DCUN1D3: variants seen among roughly 807,000 people sequenced by gnomAD.
DCUN1D3 encodes DCN1-like protein 3.
Under a neutral mutation model 24.8 loss-of-function variants are expected in DCUN1D3, and 6 were observed. The ratio of observed to expected loss-of-function variants is 0.24; its 90% CI spans 0.13 to 0.48. DCUN1D3 has a LOEUF of 0.48. DCUN1D3 is among the 20% of genes least tolerant of loss of function. DCUN1D3 has a pLI of 0.99. For synonymous variants in DCUN1D3, 120 were observed against 144.9 expected, an observed-to-expected ratio of 0.83 and a Z score of 1.24; for missense variants, 258 against 379.4, an observed-to-expected ratio of 0.68 and a Z score of 2.66.
In DCUN1D3 at chr16:20,859,062, G is replaced by T. The variant is rs2152515649; in HGVS notation, c.*824C>A. ...AGAAGTCTACTTCCAGCAAAACTGA[G>T]GTAGCACTGCTTTCTCCGCATTCAA... On this transcript the variant is annotated 3_prime_UTR_variant, in exon 3 of 3. Transcript: ENST00000324344. 1 of 152,466 alleles carries T rather than the reference G, an allele frequency of 6.6e-6. No homozygotes were observed. Among genetic ancestry groups the T allele is most frequent in the South Asian group, 2.1e-4 (1 of 4,816 alleles). 9.4% of individuals were successfully genotyped at this position (152,466 alleles called of 1,614,324 possible). A position where few individuals can be genotyped will look rare whatever the true frequency, so the allele number is the denominator to read the frequency against.
intron 2 of DCUN1D3, 41 bp downstream of exon 2, chr16:20,862,067 C>A: frequency 6.3e-7 from 1 of 1,599,332 alleles, no homozygotes; most frequent in Non-Finnish European, 8.5e-7. Flanking sequence ...GTTCCCTTTC[C>A]TCCACTGCTC....
Position 20,858,151 on chromosome 16 carries a change from C to G in DCUN1D3, c.*1735G>C, listed in dbSNP as rs1386893132. 2 of 152,566 alleles carry G rather than the reference C, an allele frequency of 1.3e-5. No homozygotes were observed. Among genetic ancestry groups the G allele is most frequent in the African/African-American group, 2.4e-5 (1 of 41,410 alleles). 9.5% of individuals were successfully genotyped at this position (152,566 alleles called of 1,614,324 possible). A position where few individuals can be genotyped will look rare whatever the true frequency, so the allele number is the denominator to read the frequency against. ...GTTGGAAGCTGAACTATACAAGTTC[C>G]TGCCACCCATCCTTCCAGTACAGTT... On this transcript the variant is annotated 3_prime_UTR_variant, in exon 3 of 3. Coordinates refer to ENST00000324344, the MANE Select transcript of DCUN1D3 (RefSeq NM_173475.4).
chr16:20,892,416 C>T (rs1596641173), intron 1 of DCUN1D3, among the ~76,000 whole-genome samples: 2 of 152,102 alleles, frequency 1.3e-5, no homozygotes, highest in South Asian at 2.1e-4. Context: ...GCTAGAGTCC[C>T]GGCACCTTCA....
chr16:20,869,873 T>C (rs879071722), intron 1 of DCUN1D3, among the ~76,000 whole-genome samples: 1 of 152,222 alleles, frequency 6.6e-6, no homozygotes, highest in Admixed American at 6.5e-5. Context: ...AACTCGCCAC[T>C]TTCCATCACT....
intron 1 of DCUN1D3, among the ~76,000 whole-genome samples, chr16:20,867,518 G>A (rs1353057181): frequency 1.3e-5 from 2 of 152,190 alleles, no homozygotes; most frequent in East Asian, 1.9e-4. Context: ...TGAAAAGGAC[G>A]CCCAACTGCG....
At chr16:20,872,232 G>C (rs1022211717) in intron 1 of DCUN1D3, among the ~76,000 whole-genome samples, 1 of 152,174 alleles carries the variant, frequency 6.6e-6, no homozygotes, top group East Asian at 1.9e-4. Flanking sequence ...GAAAATTAGT[G>C]AACTGGAGAT....
At chr16:20,867,424 C>T (rs2081767889) in intron 1 of DCUN1D3, among the ~76,000 whole-genome samples, 1 of 152,192 alleles carries the variant, frequency 6.6e-6, no homozygotes, top group South Asian at 2.1e-4. Flanking sequence ...GGCTCAGCCC[C>T]ACCAGACGTG....
At position 20,862,623 on chromosome 16, in the gene DCUN1D3, C is replaced by A; in HGVS notation, c.-85G>T. The A allele has an allele frequency of 6.6e-7, 1 of 1,521,130 alleles. No homozygotes were observed. Among genetic ancestry groups the A allele is most frequent in the Non-Finnish European group, 8.7e-7 (1 of 1,145,346 alleles). The allele number at this position is 1,521,130 out of a possible 1,614,324, so 94.2% of individuals were successfully genotyped here. A position where few individuals can be genotyped will look rare whatever the true frequency, so the allele number is the denominator to read the frequency against. On this transcript the variant is annotated 5_prime_UTR_variant, in exon 2 of 3. Transcript: ENST00000324344. ...TGGCCCATGTACCTCAACATGCCATCAGCCAGAGGAGCCAGCCAACCTGGA... is the reference window on the plus strand; with the variant it reads ...TGGCCCATGTACCTCAACATGCCATAAGCCAGAGGAGCCAGCCAACCTGGA...
intron 1 of DCUN1D3, 147 bp from the exon 2 acceptor site, chr16:20,862,790 C>T: frequency 2.8e-6 from 2 of 713,816 alleles, no homozygotes. Context: ...ATCCCCTTCA[C>T]AGGCCAGCTC....
At chr16:20,887,007 T>C (rs968130960) in intron 1 of DCUN1D3, among the ~76,000 whole-genome samples, 1 of 152,198 alleles carries the variant, frequency 6.6e-6, no homozygotes, top group African/African-American at 2.4e-5. Flanking sequence ...TTTTCATTCA[T>C]ACACATTAAA....
At chr16:20,873,695 C>T (rs2081800817) in intron 1 of DCUN1D3, among the ~76,000 whole-genome samples, 1 of 152,164 alleles carries the variant, frequency 6.6e-6, no homozygotes, top group Admixed American at 6.5e-5. Flanking sequence ...GACTCAGCCC[C>T]ACCAAGGCCT....
At chr16:20,887,346 A>C (rs1017259515) in intron 1 of DCUN1D3, among the ~76,000 whole-genome samples, 42 of 152,308 alleles carry the variant, frequency 2.8e-4, no homozygotes, top group African/African-American at 9.6e-4. Context: ...GTAAATGAAA[A>C]GTATTCATCA....
rs1297084435 is a variant in DCUN1D3, at chr16:20,859,995, A to T, written c.806T>A (p.Leu269His). The T allele has an allele frequency of 6.2e-7, 1 of 1,614,238 alleles. No individual in the cohort carries two copies. Among genetic ancestry groups the T allele is most frequent in the Admixed American group, 1.7e-5 (1 of 60,034 alleles). The change falls in exon 3 of 3, where the codon CTC becomes CAC. Residue 269 changes from leucine to histidine, a missense_variant. Coordinates refer to ENST00000324344, the MANE Select transcript of DCUN1D3 (RefSeq NM_173475.4). ...TTCCCACTCCACAAAGGTGTCAAAGAGACTTGGCCAGGCCTCATCTTCACT... is the reference window on the plus strand; with the variant it reads ...TTCCCACTCCACAAAGGTGTCAAAGTGACTTGGCCAGGCCTCATCTTCACT... ...NYSEDEAWPS[L>H]FDTFVEWEME... is the part of the protein sequence containing the mutation.
chr16:20,866,265 G>A (rs956444207), intron 1 of DCUN1D3, among the ~76,000 whole-genome samples: 1 of 152,180 alleles, frequency 6.6e-6, no homozygotes, highest in African/African-American at 2.4e-5. Context: ...AATGCTGAAA[G>A]AAACAAAAGG....
rs2081726343 is a variant in DCUN1D3 at position 20,860,497 on chromosome 16, A to G, written c.432-128T>C. On this transcript the variant is annotated intron_variant, in intron 2 of 2. Transcript: ENST00000324344. This position sits in a 1 kb window ranked among gnomAD's most constrained non-coding sequence, Gnocchi z 4.3. Reference sequence around the variant, plus strand: ...ATTTGAATTCTAACTCCTCCAACTAATTAGTCCTATTTCCTTACTTGTCAA... The same window carrying G: ...ATTTGAATTCTAACTCCTCCAACTAGTTAGTCCTATTTCCTTACTTGTCAA... 1 of 954,526 alleles carries G rather than the reference A, an allele frequency of 1.0e-6. No homozygotes were observed. Among genetic ancestry groups the G allele is most frequent in the South Asian group, 1.8e-5 (1 of 56,742 alleles). The allele number at this position is 954,526 out of a possible 1,614,324, so 59.1% of individuals were successfully genotyped here. A position where few individuals can be genotyped will look rare whatever the true frequency, so the allele number is the denominator to read the frequency against.
intron 1 of DCUN1D3, among the ~76,000 whole-genome samples, chr16:20,882,529 T>A (rs1402483035): frequency 1.3e-5 from 2 of 152,134 alleles, no homozygotes; most frequent in African/African-American, 4.8e-5. Flanking sequence ...CCTCCCAAAG[T>A]GCTGGGATTA....
At chr16:20,883,710 G>A (rs2081855857) in intron 1 of DCUN1D3, among the ~76,000 whole-genome samples, 1 of 152,110 alleles carries the variant, frequency 6.6e-6, no homozygotes, top group Non-Finnish European at 1.5e-5. Flanking sequence ...CAGAAGGAAA[G>A]AAAAACAGGT....
chr16:20,864,826 T>TC (rs2081753203), intron 1 of DCUN1D3, among the ~76,000 whole-genome samples: 2 of 152,114 alleles, frequency 1.3e-5, no homozygotes, highest in African/African-American at 4.8e-5. Context: ...AAGAACGAGA[T>TC]CATGTCTTTT....
chr16:20,883,561 C>G (rs972447472), intron 1 of DCUN1D3, among the ~76,000 whole-genome samples: 1 of 152,242 alleles, frequency 6.6e-6, no homozygotes, highest in Admixed American at 6.5e-5. Context: ...ATTGAAAATT[C>G]TTTTGCTTAA....
Sources: gnomAD v4.1 joint callset for allele counts (sites outside exome capture counted in the v4.1 genomes callset) on GRCh38, gnomAD v4.1.1 for gene constraint, Gnocchi (gnomAD v3.1) non-coding constraint, MANE v1.5 for transcripts, NCBI Gene and HGNC (gene_info 2026-07-23, HGNC 2026-07-21) for gene names.